PCDHA3: variants seen among roughly 807,000 people sequenced by gnomAD.
PCDHA3 encodes the protein protocadherin alpha 3.
In PCDHA3, 41 loss-of-function variants were observed where a neutral mutation model predicts 62.2. That is an observed-to-expected ratio of 0.66 (90% CI 0.51 to 0.86). The LOEUF is 0.86. Among genes scored for constraint, PCDHA3 ranks in the 40% least tolerant of loss-of-function variants. The pLI is 0.00. For missense variants in PCDHA3, 1,304 were observed against 1,241.2 expected (o/e 1.05, Z -0.76); for synonymous variants, 640 against 555.4 (o/e 1.15, Z -2.14).
At chr5:140,803,658 C>A (rs1554122917) in intron 1 of PCDHA3, 67 bp downstream of exon 1, 9 of 1,607,728 alleles carry the variant, frequency 5.6e-6, no homozygotes, top group Non-Finnish European at 7.7e-6. Context: ...TTCCACTCCT[C>A]TGGAAATACA....
chr5:140,823,906 G>T (rs2150130181), intron 1 of PCDHA3: 3 of 1,613,906 alleles, frequency 1.9e-6, no homozygotes, highest in East Asian at 2.2e-5. Context: ...CAGCCTGCTG[G>T]TGCTCACGCT....
rs782426631 is a variant in PCDHA3, at chr5:140,982,476, T to G, written c.2455T>G (p.Ser819Ala). The change falls in exon 3 of 4, where the codon TCT becomes GCT. Residue 819 changes from serine to alanine, a missense_variant and splice_region_variant. By Grantham distance (99) the Ser-to-Ala change is moderately conservative (BLOSUM62 1). Coordinates refer to ENST00000522353, the MANE Select transcript of PCDHA3 (RefSeq NM_018906.3). The part of the protein sequence containing the change: ...SASLRAGMHS[S>A]VHLEEAGILR... Reference sequence around the variant, plus strand: ...ATCTGGGTCTGTGTGTTTATTCAGCTCTGTGCACCTAGAGGAGGCTGGCAT... The same window carrying G: ...ATCTGGGTCTGTGTGTTTATTCAGCGCTGTGCACCTAGAGGAGGCTGGCAT... 9.3e-6 allele frequency: 15 copies of G among 1,614,064 alleles called. No individual in the cohort carries two copies. The African/African-American group carries it at 2.0e-4, about 22-fold the overall frequency.
Position 140,850,629 on chromosome 5 carries a change from G to T in PCDHA3, c.2394+47038G>T, listed in dbSNP as rs2150491518. On this transcript the variant is annotated intron_variant, in intron 1 of 3. Transcript: ENST00000522353. ...CATCTGCGCGGTGTCTAGCCTGTTG[G>T]TTCTCACGCTGCTGCTGTACACTGT... is the stretch of plus-strand genomic sequence containing the variant. 44 of 1,598,620 alleles carry T rather than the reference G, an allele frequency of 2.8e-5. 2 individuals carry two copies. The East Asian group carries it at 9.4e-4, about 34-fold the overall frequency.
chr5:140,871,328 G>T (rs374687707), intron 1 of PCDHA3: 4 of 1,614,128 alleles, frequency 2.5e-6, no homozygotes, highest in African/African-American at 1.3e-5. Context: ...GTGTGCTCCC[G>T]CGCGGTGGGG....
At chr5:140,821,141 T>G (rs190404735) in intron 1 of PCDHA3, among the ~76,000 whole-genome samples, 63 of 152,270 alleles carry the variant, frequency 4.1e-4, no homozygotes, top group African/African-American at 1.3e-3. Flanking sequence ...ATTTGTTTTA[T>G]GAGTAACACG....
At position 140,899,599 on chromosome 5, in the gene PCDHA3, C is replaced by T. The variant is rs535938234; in HGVS notation, c.2395-79350C>T. Among the ~76,000 whole-genome samples the T allele has an allele frequency of 8.0e-3, 1,213 of 152,222 alleles. 6 individuals carry two copies. Among genetic ancestry groups the T allele is most frequent in the African/African-American group, 0.019 (784 of 41,538 alleles). ...CGGTTTGCCAGTATTTTATTGAGGA[C>T]TTTTGCATCAATGTTCATCAAGGAT... On this transcript the variant is annotated intron_variant, in intron 1 of 3. Coordinates refer to ENST00000522353, the MANE Select transcript of PCDHA3 (RefSeq NM_018906.3).
intron 1 of PCDHA3, chr5:140,808,827 G>A: frequency 1.2e-6 from 2 of 1,612,876 alleles, no homozygotes; most frequent in South Asian, 1.1e-5. Flanking sequence ...CCTCTGGGCA[G>A]CAACGTGACG....
At chr5:140,882,460 C>T in intron 1 of PCDHA3, 4 of 1,613,998 alleles carry the variant, frequency 2.5e-6, no homozygotes, top group Non-Finnish European at 3.4e-6. Context: ...CGCGCCTGTT[C>T]CGGGTGGCGT....
intron 1 of PCDHA3, chr5:140,927,351 G>A (rs782202644): frequency 1.4e-5 from 23 of 1,614,054 alleles, no homozygotes; most frequent in Non-Finnish European, 1.9e-5. Flanking sequence ...ATGACGACGA[G>A]GGAAGCAATG....
intron 1 of PCDHA3, among the ~76,000 whole-genome samples, chr5:140,924,900 AAAAAATAAAAT>A (rs2082119593): frequency 1.6e-5 from 1 of 63,328 alleles, no homozygotes; most frequent in African/African-American, 5.4e-5. Context: ...GTCTCAAAAA[AAAAAATAAAAT>A]AAAATAAAAT....
In PCDHA3 at chr5:140,890,236, T is replaced by C. The variant is rs79211810; in HGVS notation, c.2394+86645T>C. 1.2e-3 allele frequency among the ~76,000 whole-genome samples: 183 copies of C among 152,244 alleles called. 1 individual carries two copies. Among genetic ancestry groups the C allele is most frequent in the African/African-American group, 4.0e-3 (168 of 41,532 alleles). ...CCCAGAGACCTAGTTGTTAAGCATT[T>C]ACCAGTACACTACTGCACCTGATTG... On this transcript the variant is annotated intron_variant, in intron 1 of 3. Transcript: ENST00000522353.
chr5:140,853,510 A>T, intron 1 of PCDHA3: 1 of 977,306 alleles, frequency 1.0e-6, no homozygotes, highest in Non-Finnish European at 1.2e-6. Context: ...TGAAACAATA[A>T]TGAAGCTCCT....
At position 140,809,763 on chromosome 5, in the gene PCDHA3, T is replaced by C. The variant is rs186235899; in HGVS notation, c.2394+6172T>C. ...TATATTGCCTTCCTTCATTTTATGC[T>C]GCATTATTCAATGCATATTAACAGA... On this transcript the variant is annotated intron_variant, in intron 1 of 3. Transcript: ENST00000522353. The C allele has an allele frequency of 3.8e-4, 230 of 599,182 alleles. 1 individual carries two copies. The highest frequency in any genetic ancestry group is 9.1e-4 in the Middle Eastern group (2 of 2,206). 37.1% of individuals were successfully genotyped at this position (599,182 alleles called of 1,614,324 possible).
chr5:140,850,200 C>T, intron 1 of PCDHA3: 1 of 1,593,442 alleles, frequency 6.3e-7, no homozygotes. Context: ...GCTGACACCT[C>T]GGATGAGGGG....
intron 1 of PCDHA3, chr5:140,876,794 T>G: frequency 6.2e-7 from 1 of 1,614,056 alleles, no homozygotes; most frequent in Non-Finnish European, 8.5e-7. Flanking sequence ...ACGGCTAGAG[T>G]GTCCGTGGAG....
At chr5:140,805,851 C>A (rs1404287478) in intron 1 of PCDHA3, among the ~76,000 whole-genome samples, 1 of 152,064 alleles carries the variant, frequency 6.6e-6, no homozygotes, top group African/African-American at 2.4e-5. Context: ...TATGCGATCA[C>A]CTTAAATTAA....
rs1012417649 is a variant in PCDHA3 at position 141,010,189 on chromosome 5, T to C, written c.*252T>C. On this transcript the variant is annotated 3_prime_UTR_variant, in exon 4 of 4. Coordinates refer to ENST00000522353, the MANE Select transcript of PCDHA3 (RefSeq NM_018906.3). ...AGAACCTAAAAAGCAGACCCAAGTT[T>C]CCTTTCTCCTCCGCCGCAAAGGAGA... 6 of 1,552,498 alleles carry C rather than the reference T, an allele frequency of 3.9e-6. No individual in the cohort carries two copies. Among genetic ancestry groups the C allele is most frequent in the Middle Eastern group, 1.7e-4 (1 of 5,994 alleles).
rs2150513075 is a variant in PCDHA3, at chr5:140,852,180, T to C, written c.2394+48589T>C. The C allele has an allele frequency of 3.0e-5, 23 of 771,014 alleles. 2 individuals carry two copies. The highest frequency in any genetic ancestry group is 3.4e-5 in the Non-Finnish European group (21 of 620,092). The allele number at this position is 771,014 out of a possible 1,614,324, so 47.8% of individuals were successfully genotyped here. On this transcript the variant is annotated intron_variant, in intron 1 of 3. Coordinates refer to ENST00000522353, the MANE Select transcript of PCDHA3 (RefSeq NM_018906.3). ...GAGAATAGAGCCACAAAAATAACTATGAAAATGCCAGTAACGTTTATTTAA... is the reference window on the plus strand; with the variant it reads ...GAGAATAGAGCCACAAAAATAACTACGAAAATGCCAGTAACGTTTATTTAA...
intron 1 of PCDHA3, chr5:140,823,746 G>C: frequency 1.2e-6 from 2 of 1,613,840 alleles, no homozygotes; most frequent in Non-Finnish European, 1.7e-6. Flanking sequence ...GAGAGCCCCC[G>C]CTGACAGCCA....
Sources: allele counts gnomAD v4.1 joint callset (sites outside exome capture counted in the v4.1 genomes callset), GRCh38; gene constraint gnomAD v4.1.1; transcripts MANE v1.5; gene names NCBI Gene and HGNC (gene_info 2026-07-23, HGNC 2026-07-21).